SERGEF: variants seen among roughly 807,000 people sequenced by gnomAD.
SERGEF encodes the protein secretion-regulating guanine nucleotide exchange factor.
In SERGEF, 51 loss-of-function variants were observed where a neutral mutation model predicts 50.0. The observed-to-expected ratio is 1.02, with a 90% CI of 0.81 to 1.29. The LOEUF is 1.29. SERGEF is among the 50% of genes most tolerant of loss of function. The pLI, the probability that SERGEF is intolerant of heterozygous loss-of-function variation, is 0.00. For synonymous variants in SERGEF, 205 were observed against 212.4 expected (o/e 0.97, Z 0.30); for missense variants, 521 against 557.0 (o/e 0.94, Z 0.65).
chr11:17,956,196 A>T (rs1200242918), intron 9 of SERGEF, among the ~76,000 whole-genome samples: 1 of 152,214 alleles, frequency 6.6e-6, no homozygotes, highest in Non-Finnish European at 1.5e-5. Flanking sequence ...TAGAGAGGAG[A>T]CATGGCTCAG....
chr11:17,921,939 T>C (rs557491376), intron 9 of SERGEF, among the ~76,000 whole-genome samples: 53 of 152,286 alleles, frequency 3.5e-4, no homozygotes, highest in African/African-American at 1.2e-3. Flanking sequence ...CTCAGCACAA[T>C]GGGAAGTGGC....
At chr11:17,928,203 C>A (rs1403682744) in intron 9 of SERGEF, among the ~76,000 whole-genome samples, 1 of 152,202 alleles carries the variant, frequency 6.6e-6, no homozygotes. Flanking sequence ...ACCTCTGTAA[C>A]CACAGCATTT....
At chr11:17,969,784 G>T (rs1853208169) in intron 8 of SERGEF, among the ~76,000 whole-genome samples, 2 of 152,178 alleles carry the variant, frequency 1.3e-5, no homozygotes, top group African/African-American at 4.8e-5. Flanking sequence ...TCCTTACACA[G>T]TGAGCACAAC....
intron 8 of SERGEF, among the ~76,000 whole-genome samples, chr11:17,980,520 T>C (rs1469421653): frequency 6.6e-6 from 1 of 152,244 alleles, no homozygotes; most frequent in Non-Finnish European, 1.5e-5. Flanking sequence ...AAATTCATCA[T>C]AGAAAACAAA....
intron 10 of SERGEF, among the ~76,000 whole-genome samples, chr11:17,840,417 C>T (rs924801892): frequency 3.9e-5 from 6 of 152,118 alleles, no homozygotes; most frequent in Non-Finnish European, 8.8e-5. Flanking sequence ...ACACCTCTGC[C>T]CACCACCCCC....
At chr11:17,959,984 C>T (rs1852964406) in intron 8 of SERGEF, among the ~76,000 whole-genome samples, 1 of 152,204 alleles carries the variant, frequency 6.6e-6, no homozygotes, top group South Asian at 2.1e-4. Flanking sequence ...CCCTTCCCCA[C>T]ACACTCCTTG....
intron 10 of SERGEF, among the ~76,000 whole-genome samples, chr11:17,826,298 G>A (rs1850194643): frequency 6.6e-6 from 1 of 152,192 alleles, no homozygotes; most frequent in Admixed American, 6.5e-5. Context: ...AAGCCTCTTT[G>A]CCAGATCCAC....
At chr11:17,851,240 A>G (rs904952258) in intron 10 of SERGEF, among the ~76,000 whole-genome samples, 16 of 152,150 alleles carry the variant, frequency 1.1e-4, no homozygotes, top group African/African-American at 3.1e-4. Flanking sequence ...GAGGAAACCT[A>G]TGCTCAGAGG....
chr11:17,790,644 G>T (rs1365576540), intron 10 of SERGEF, among the ~76,000 whole-genome samples: 1 of 152,134 alleles, frequency 6.6e-6, no homozygotes, highest in Admixed American at 6.5e-5. Context: ...GTACAAACTG[G>T]TATTTGTACA....
At chr11:17,909,852 C>G (rs1029493579) in intron 9 of SERGEF, among the ~76,000 whole-genome samples, 1 of 152,152 alleles carries the variant, frequency 6.6e-6, no homozygotes, top group Non-Finnish European at 1.5e-5. Context: ...CCCACAGAGG[C>G]AAGGGGCTGC....
chr11:17,919,001 A>G (rs1251469962), intron 9 of SERGEF, among the ~76,000 whole-genome samples: 1 of 152,240 alleles, frequency 6.6e-6, no homozygotes, highest in African/African-American at 2.4e-5. Context: ...TTGAGAGAGC[A>G]GAACTTTGTA....
intron 9 of SERGEF, among the ~76,000 whole-genome samples, chr11:17,911,210 A>G (rs915890914): frequency 6.6e-5 from 10 of 151,488 alleles, no homozygotes; most frequent in African/African-American, 2.4e-4. Context: ...CTCATTTTAC[A>G]AATGAGAAAA....
intron 9 of SERGEF, among the ~76,000 whole-genome samples, chr11:17,920,039 G>GA (rs1306973626): frequency 6.6e-6 from 1 of 151,628 alleles, no homozygotes; most frequent in Non-Finnish European, 1.5e-5. Flanking sequence ...AAAGGTCAGG[G>GA]AATCGAGACT....
intron 10 of SERGEF, among the ~76,000 whole-genome samples, chr11:17,794,640 A>T (rs1456419236): frequency 6.6e-6 from 1 of 152,182 alleles, no homozygotes; most frequent in African/African-American, 2.4e-5. Flanking sequence ...ATATTCATTC[A>T]CCGAATCCTC....
At chr11:17,806,870 C>T (rs1394392384) in intron 10 of SERGEF, among the ~76,000 whole-genome samples, 1 of 151,636 alleles carries the variant, frequency 6.6e-6, no homozygotes, top group Non-Finnish European at 1.5e-5. Context: ...TGTTCTCCCA[C>T]CAAACTCAAT....
At chr11:17,824,015 T>G (rs1850133592) in intron 10 of SERGEF, among the ~76,000 whole-genome samples, 1 of 152,140 alleles carries the variant, frequency 6.6e-6, no homozygotes, top group South Asian at 2.1e-4. Context: ...AAAGGGCCTC[T>G]TTTTGGCCGG....
At chr11:17,864,885 G>A (rs745962631) in intron 10 of SERGEF, among the ~76,000 whole-genome samples, 8 of 152,130 alleles carry the variant, frequency 5.3e-5, no homozygotes, top group East Asian at 1.9e-4. Context: ...GACTGCTCTC[G>A]TAGCAACAGG....
intron 9 of SERGEF, among the ~76,000 whole-genome samples, chr11:17,958,907 C>A (rs574388957): frequency 1.3e-5 from 2 of 152,052 alleles, no homozygotes; most frequent in Non-Finnish European, 2.9e-5. Context: ...CCCCCACCCC[C>A]CTCCAGGCTG....
intron 10 of SERGEF, among the ~76,000 whole-genome samples, chr11:17,844,622 C>T (rs1026390281): frequency 6.6e-6 from 1 of 152,172 alleles, no homozygotes; most frequent in Non-Finnish European, 1.5e-5. Context: ...TTCCTCCACC[C>T]AGAATGGAGA....
Sources: gnomAD v4.1 joint callset for allele counts (sites outside exome capture counted in the v4.1 genomes callset) on GRCh38, gnomAD v4.1.1 for gene constraint, MANE v1.5 for transcripts, NCBI Gene and HGNC (gene_info 2026-07-23, HGNC 2026-07-21) for gene names.